Variants in PTGES2 observed in about 807,000 individuals in gnomAD.
PTGES2 encodes the protein prostaglandin E synthase 2.
PTGES2 carries 35 observed loss-of-function variants against 44.5 expected under a neutral mutation model. The observed-to-expected ratio is 0.79, with a 90% CI of 0.60 to 1.04. The LOEUF is 1.04. PTGES2 is among the 50% of genes least tolerant of loss of function. The pLI is 0.00. For synonymous variants in PTGES2, 221 were observed against 227.5 expected (o/e 0.97, Z 0.26); for missense variants, 517 against 521.4 (o/e 0.99, Z 0.08).
chr9:128,127,191 C>CATAAAAAAAAAAAAAAAAAAAAAAAA (rs1554744708), intron 1 of PTGES2, among the ~76,000 whole-genome samples: 1 of 24,496 alleles, frequency 4.1e-5, no homozygotes, highest in African/African-American at 1.2e-4. Flanking sequence ...ATAAACAAAC[C>CATAAAAAAAAAAAAAAAAAAAAAAAA]AAAAAAAAAA....
Position 128,123,694 on chromosome 9 carries a change from C to G in PTGES2, c.686+8G>C. 1 of 1,612,212 alleles carries G rather than the reference C, an allele frequency of 6.2e-7. No homozygotes were observed. Among genetic ancestry groups the G allele is most frequent in the Non-Finnish European group, 8.5e-7 (1 of 1,178,748 alleles). On this transcript the variant is annotated splice_region_variant and intron_variant, in intron 4 of 6. Coordinates refer to ENST00000338961, the MANE Select transcript of PTGES2 (RefSeq NM_025072.7). This position sits in a 1 kb window ranked among gnomAD's most constrained non-coding sequence, Gnocchi z 4.4. ...CCACCTTCCCCCGCCAGCCCCAGCC[C>G]CACTCACGTCCTGGCCTCCTTCCCA...
In PTGES2 at chr9:128,125,443, T is replaced by A; in HGVS notation, c.280-2A>T. 1 of 1,613,734 alleles carries A rather than the reference T, an allele frequency of 6.2e-7. No individual in the cohort carries two copies. The highest frequency in any genetic ancestry group is 1.1e-5 in the South Asian group (1 of 91,066). The stretch of plus-strand genomic sequence containing the variant: ...CTGCAGGCGGCTGGACAGGGAGAGC[T>A]GCGGGCAGCAGACGGAAAAGGCTTC... On this transcript the variant is annotated splice_acceptor_variant, in intron 1 of 6. Coordinates refer to ENST00000338961, the MANE Select transcript of PTGES2 (RefSeq NM_025072.7). LOFTEE classifies it high-confidence loss of function.
intron 2 of PTGES2, chr9:128,124,954 G>A (rs1193758639): frequency 3.5e-5 from 34 of 962,436 alleles, no homozygotes; most frequent in Non-Finnish European, 4.8e-5. Flanking sequence ...AAGTCACACA[G>A]CTAGTGAGTG....
intron 6 of PTGES2, 55 bp from the exon 7 acceptor site, chr9:128,121,328 T>G: frequency 1.3e-6 from 2 of 1,568,814 alleles, no homozygotes; most frequent in East Asian, 4.6e-5. Flanking sequence ...CATCCAGACC[T>G]CCTTCGTTCC....
chr9:128,122,218 G>A (rs751083198), intron 6 of PTGES2, 144 bp downstream of exon 6: 5 of 690,032 alleles, frequency 7.2e-6, no homozygotes, highest in South Asian at 1.7e-5. Context: ...GAGCCACTTC[G>A]AGGCGAGTTT....
upstream of PTGES2, chr9:128,127,943 C>T (rs1378419273): frequency 4.7e-6 from 2 of 425,384 alleles, no homozygotes; most frequent in Non-Finnish European, 8.1e-6. Context: ...CCGTTCCATG[C>T]TTCCGCCTCC....
chr9:128,122,501 C>A (rs1034419562), intron 5 of PTGES2, 22 bp from the exon 6 acceptor site: 3 of 1,601,010 alleles, frequency 1.9e-6, no homozygotes, highest in Non-Finnish European at 2.6e-6. Context: ...AGGGAAAAGC[C>A]CCTCAGGGGA....
intron 5 of PTGES2, 82 bp from the exon 6 acceptor site, chr9:128,122,561 G>A (rs1834457009): frequency 1.6e-6 from 2 of 1,242,484 alleles, no homozygotes; most frequent in Admixed American, 1.8e-5. Context: ...GGGGAGAGGG[G>A]GGAGGTGTGG....
At chr9:128,122,615 G>A (rs553622240) in intron 5 of PTGES2, 136 bp from the exon 6 acceptor site, 66 of 711,604 alleles carry the variant, frequency 9.3e-5, no homozygotes, top group African/African-American at 2.8e-4. Context: ...ATCTGCAGAC[G>A]CCTCAGGGAG....
In PTGES2 at chr9:128,127,645, GGCCTCCCA is replaced by G; in HGVS notation, c.65_72del (p.Leu22ProfsTer29). On this transcript the variant is annotated frameshift_variant, in exon 1 of 7. Transcript: ENST00000338961. LOFTEE classifies it high-confidence loss of function. The stretch of plus-strand genomic sequence containing the variant: ...TGCGTGGGTAGCAGCGGCTGGGGGC[GGCCTCCCA>G]GCCTCCAGGCCAAGGCGCACCCACC... 7.9e-7 allele frequency: 1 copy of G among 1,272,488 alleles called. No homozygotes were observed. Among genetic ancestry groups the G allele is most frequent in the Non-Finnish European group, 9.9e-7 (1 of 1,010,436 alleles). The allele number at this position is 1,272,488 out of a possible 1,614,324, so 78.8% of individuals were successfully genotyped here. A position where few individuals can be genotyped will look rare whatever the true frequency, so the allele number is the denominator to read the frequency against.
rs1396872058 is a variant in PTGES2, at chr9:128,121,140, G to T, written c.*5C>A. Reference sequence around the variant, plus strand: ...CTGCCTTCCCTCTGCTCTGCGCGGGGACATTCAGTGCGCTGGGGAGGCCTC... The same window carrying T: ...CTGCCTTCCCTCTGCTCTGCGCGGGTACATTCAGTGCGCTGGGGAGGCCTC... On this transcript the variant is annotated 3_prime_UTR_variant, in exon 7 of 7. Transcript: ENST00000338961. 6.3e-7 allele frequency: 1 copy of T among 1,581,572 alleles called. No homozygotes were observed. The highest frequency in any genetic ancestry group is 1.8e-5 in the Admixed American group (1 of 55,070).
At chr9:128,125,089 T>C (rs886781351) in intron 2 of PTGES2, among the ~76,000 whole-genome samples, 155 bp downstream of exon 2, 1 of 152,210 alleles carries the variant, frequency 6.6e-6, no homozygotes, top group Non-Finnish European at 1.5e-5. Context: ...CCTACATTTA[T>C]TGAGCATCTA....
At chr9:128,128,169 C>G (rs990178279), upstream of PTGES2, 2 of 125,218 alleles carry the variant, frequency 1.6e-5, no homozygotes, top group Non-Finnish European at 3.1e-5. Context: ...GACCCGGCAC[C>G]AGGTGTTGCG....
intron 1 of PTGES2, among the ~76,000 whole-genome samples, chr9:128,126,883 T>G: frequency 6.7e-6 from 1 of 148,204 alleles, no homozygotes; most frequent in African/African-American, 2.5e-5. Context: ...AAAGTCTCCT[T>G]AAAACATGGT....
chr9:128,121,496 T>C (rs1345523563), intron 6 of PTGES2, among the ~76,000 whole-genome samples: 1 of 148,718 alleles, frequency 6.7e-6, no homozygotes, highest in African/African-American at 2.6e-5. Context: ...CCACAGACCC[T>C]GCCCCCCAGC....
At position 128,127,573 on chromosome 9, in the gene PTGES2, C is replaced by G; in HGVS notation, c.145G>C (p.Ala49Pro). 2 of 1,279,786 alleles carry G rather than the reference C, an allele frequency of 1.6e-6. No individual in the cohort carries two copies. Among genetic ancestry groups the G allele is most frequent in the Non-Finnish European group, 2.0e-6 (2 of 1,013,808 alleles). The allele number at this position is 1,279,786 out of a possible 1,614,324, so 79.3% of individuals were successfully genotyped here. Residue 49 changes from alanine to proline, a missense_variant, in exon 1 of 7, where the codon GCT (alanine) becomes CCT (proline). By Grantham distance (27) the Ala-to-Pro change is conservative. Coordinates refer to ENST00000338961, the MANE Select transcript of PTGES2 (RefSeq NM_025072.7). ...AGAAGGPSPV[A>P]AARKGSPRLL... ...CGCGGGCTCCCCTTACGAGCTGCAGCCACGGGGCTCGGGCCGCCCGCCGCC... is the reference window on the plus strand; with the variant it reads ...CGCGGGCTCCCCTTACGAGCTGCAGGCACGGGGCTCGGGCCGCCCGCCGCC...
rs988498488 is a variant in PTGES2 at position 128,121,186 on chromosome 9, G to A, written c.1093C>T (p.Arg365Trp). 5.0e-6 allele frequency: 8 copies of A among 1,592,952 alleles called. No individual in the cohort carries two copies. The highest frequency in any genetic ancestry group is 4.6e-5 in the East Asian group (2 of 43,650). ...QHTHIQPWYL[R>W]VERAITEASP... ...GCCTCGGTGATGGCCCTCTCCACCC[G>A]CAGGTACCAGGGCTGGATGTGCGTG... is the stretch of plus-strand genomic sequence containing the variant. Residue 365 changes from arginine to tryptophan, a missense_variant, in exon 7 of 7, where the codon CGG (arginine) becomes TGG (tryptophan). Physicochemically the swap from Arg to Trp is moderately radical, Grantham distance 101 (BLOSUM62 -3). Transcript: ENST00000338961.
Position 128,122,965 on chromosome 9 carries a change from T to C in PTGES2, c.856A>G (p.Met286Val), listed in dbSNP as rs770316765. 13 of 1,614,040 alleles carry C rather than the reference T, an allele frequency of 8.1e-6. No homozygotes were observed. Among genetic ancestry groups the C allele is most frequent in the Admixed American group, 1.7e-5 (1 of 60,022 alleles). The change falls in exon 5 of 7, where the codon ATG (methionine) becomes GTG (valine). Residue 286 changes from methionine (M) to valine (V), a missense_variant. Coordinates refer to ENST00000338961, the MANE Select transcript of PTGES2 (RefSeq NM_025072.7). ...AVAKYMGAAA[M>V]YLISKRLKSR... ...TTGAGTCGCTTGCTGATGAGGTACA[T>C]GGCCGCTGCACCCATGTACTTGGCC...
upstream of PTGES2, chr9:128,127,966 G>C: frequency 2.2e-6 from 1 of 454,022 alleles, no homozygotes; most frequent in Non-Finnish European, 3.9e-6. Flanking sequence ...AGGCTCTTGG[G>C]TAGTGACCCG....
Sources: gnomAD v4.1 joint callset for allele counts (sites outside exome capture counted in the v4.1 genomes callset) on GRCh38, gnomAD v4.1.1 for gene constraint, Gnocchi (gnomAD v3.1) non-coding constraint, MANE v1.5 for transcripts, NCBI Gene and HGNC (gene_info 2026-07-23, HGNC 2026-07-21) for gene names.